CCNY: variants seen among roughly 807,000 people sequenced by gnomAD.
CCNY encodes cyclin Y, also known as cyclin-Y.
CCNY carries 19 observed loss-of-function variants against 42.8 expected under a neutral mutation model. The ratio of observed to expected loss-of-function variants is 0.44; its 90% CI spans 0.31 to 0.65. The LOEUF is 0.65. Ranked by LOEUF, CCNY falls within the 30% of genes least tolerant of loss-of-function variation. The pLI is 0.07. For missense variants in CCNY, 370 were observed against 437.3 expected, an observed-to-expected ratio of 0.85 and a Z score of 1.37; for synonymous variants, 165 against 162.7, an observed-to-expected ratio of 1.01 and a Z score of -0.11.
intron 3 of CCNY, among the ~76,000 whole-genome samples, chr10:35,325,716 G>T (rs1471057369): frequency 2.0e-5 from 3 of 150,966 alleles, no homozygotes; most frequent in African/African-American, 7.3e-5. Flanking sequence ...TGATCCACCC[G>T]CCTCGGCCTC....
chr10:35,442,741 T>G (rs550364262), intron 1 of CCNY, among the ~76,000 whole-genome samples: 36 of 152,306 alleles, frequency 2.4e-4, no homozygotes, highest in Admixed American at 1.4e-3. Context: ...GCTATTGATG[T>G]GGTTTGTGTT....
Position 35,483,383 on chromosome 10 carries a change from T to C in CCNY, c.155-21T>C, listed in dbSNP as rs761395253. On this transcript the variant is annotated intron_variant, in intron 1 of 9. Transcript: ENST00000374704. Reference sequence around the variant, plus strand: ...GTTATCAGATGGTTTATTCATATAATTTATTTTCCTTTCTTTAAAGATTTG... The same window carrying C: ...GTTATCAGATGGTTTATTCATATAACTTATTTTCCTTTCTTTAAAGATTTG... 5.2e-6 allele frequency: 8 copies of C among 1,526,682 alleles called. No homozygotes were observed. The South Asian group carries it at 6.9e-5, about 13-fold the overall frequency. 94.6% of individuals were successfully genotyped at this position (1,526,682 alleles called of 1,614,324 possible).
At chr10:35,372,457 G>T (rs1269416585) in intron 1 of CCNY, among the ~76,000 whole-genome samples, 2 of 152,196 alleles carry the variant, frequency 1.3e-5, no homozygotes, top group African/African-American at 4.8e-5. Context: ...AGGGTGTGCG[G>T]AGGTCATGCA....
Position 35,553,149 on chromosome 10 carries a change from A to G in CCNY, c.710A>G (p.Tyr237Cys). The change falls in exon 8 of 10, where the codon TAC (tyrosine) becomes TGC (cysteine). Residue 237 changes from tyrosine (Y) to cysteine (C), a missense_variant. This residue lies in a region of CCNY where 234 missense variants were observed against 313.1 expected (regional missense o/e 0.75). Coordinates refer to ENST00000374704, the MANE Select transcript of CCNY (RefSeq NM_145012.6). Reference sequence around the variant, plus strand: ...GACCAGGCTGTATGGAATGTGGATTACTGCCAGATCCTGAAAGACATCACG... The same window carrying G: ...GACCAGGCTGTATGGAATGTGGATTGCTGCCAGATCCTGAAAGACATCACG... ...WDDQAVWNVD[Y>C]CQILKDITVE... 6.2e-7 allele frequency: 1 copy of G among 1,614,200 alleles called. No homozygotes were observed. The highest frequency in any genetic ancestry group is 1.3e-5 in the African/African-American group (1 of 75,058).
intron 1 of CCNY, among the ~76,000 whole-genome samples, chr10:35,344,736 C>T (rs1176571242): frequency 1.3e-5 from 2 of 152,088 alleles, no homozygotes; most frequent in Non-Finnish European, 1.5e-5. Flanking sequence ...TCCCCCCACC[C>T]GACAACAGGC....
At chr10:35,253,874 GTTTTT>G (rs34396120) in intron 3 of CCNY, among the ~76,000 whole-genome samples, 74 of 129,286 alleles carry the variant, frequency 5.7e-4, no homozygotes, top group Non-Finnish European at 8.3e-4. Flanking sequence ...TTGAGCAACT[GTTTTT>G]TTTTTTTTTT....
chr10:35,427,240 G>A (rs1838291474), intron 1 of CCNY, among the ~76,000 whole-genome samples: 2 of 152,208 alleles, frequency 1.3e-5, no homozygotes, highest in Admixed American at 1.3e-4. Flanking sequence ...GATGGATTGA[G>A]GCAGGAGAAT....
At chr10:35,307,772 G>A (rs967797885) in intron 3 of CCNY, among the ~76,000 whole-genome samples, 19 of 73,092 alleles carry the variant, frequency 2.6e-4, no homozygotes, top group African/African-American at 1.4e-3. Context: ...GTGTGTGTGT[G>A]TGTGTGTGTG....
intron 1 of CCNY, among the ~76,000 whole-genome samples, chr10:35,439,351 T>C (rs149264936): frequency 2.3e-3 from 356 of 152,328 alleles, no homozygotes; most frequent in Non-Finnish European, 4.3e-3. Context: ...GTAATTTCTT[T>C]TGTTCCATCT....
At position 35,316,970 on chromosome 10, in the gene CCNY, C is replaced by G. The variant is rs374459983; in HGVS notation, c.-9+66344C>G. ...AAGTGATTCTCCTGCCTCAGCCTCC[C>G]GAGTAGCTGGGATTACAGGTGCCCG... On this transcript the variant is annotated intron_variant, in intron 3 of 11. Transcript: ENST00000374706. Among the ~76,000 whole-genome samples the G allele has an allele frequency of 3.3e-5, 5 of 152,230 alleles. No homozygotes were observed. The East Asian group carries it at 7.7e-4, about 23-fold the overall frequency.
intron 1 of CCNY, among the ~76,000 whole-genome samples, chr10:35,475,909 A>G (rs1441318090): frequency 6.6e-6 from 1 of 151,860 alleles, no homozygotes; most frequent in Non-Finnish European, 1.5e-5. Flanking sequence ...ACGTGCAGAG[A>G]CACACATAGG....
intron 1 of CCNY, among the ~76,000 whole-genome samples, chr10:35,424,530 T>C (rs753862187): frequency 1.1e-4 from 16 of 152,254 alleles, no homozygotes; most frequent in Admixed American, 3.3e-4. Context: ...CCAGCCGTTA[T>C]TTTCTAATAA....
At chr10:35,375,702 C>T (rs753803546) in intron 1 of CCNY, among the ~76,000 whole-genome samples, 6 of 152,170 alleles carry the variant, frequency 3.9e-5, no homozygotes, top group Non-Finnish European at 5.9e-5. Context: ...GCAAACCTCA[C>T]TCACAGAGGG....
chr10:35,538,144 G>C (rs1033850519), intron 7 of CCNY, among the ~76,000 whole-genome samples: 2 of 152,096 alleles, frequency 1.3e-5, no homozygotes, highest in Admixed American at 6.6e-5. Context: ...CATGTAAGAC[G>C]TGACCTGCTC....
At chr10:35,273,305 G>A (rs540012544) in intron 3 of CCNY, among the ~76,000 whole-genome samples, 2 of 152,008 alleles carry the variant, frequency 1.3e-5, no homozygotes, top group South Asian at 2.1e-4. Context: ...GGGTCCAAGC[G>A]ATTCTCCAGC....
chr10:35,350,978 G>A (rs529455825), intron 1 of CCNY, among the ~76,000 whole-genome samples: 1 of 152,322 alleles, frequency 6.6e-6, no homozygotes, highest in African/African-American at 2.4e-5. Context: ...ACAAATGGAA[G>A]TGATTCTTGA....
intron 3 of CCNY, among the ~76,000 whole-genome samples, chr10:35,509,008 G>T (rs966830376): frequency 5.9e-5 from 9 of 152,054 alleles, no homozygotes; most frequent in Admixed American, 2.6e-4. Context: ...TTTGTGAGTG[G>T]CTTCTTTCAC....
chr10:35,378,216 A>C (rs1837097637), intron 1 of CCNY, among the ~76,000 whole-genome samples: 1 of 152,170 alleles, frequency 6.6e-6, no homozygotes, highest in South Asian at 2.1e-4. Context: ...AGATCTTCCA[A>C]ATATTGACTC....
At chr10:35,383,951 A>AG (rs1837247796) in intron 1 of CCNY, among the ~76,000 whole-genome samples, 5 of 150,754 alleles carry the variant, frequency 3.3e-5, no homozygotes, top group African/African-American at 1.2e-4. Context: ...AATGAGAGTA[A>AG]GAATATATAT....
Sources: allele counts gnomAD v4.1 joint callset (sites outside exome capture counted in the v4.1 genomes callset), GRCh38; gene constraint gnomAD v4.1.1; regional missense constraint gnomAD v4.1.1; transcripts MANE v1.5; gene names NCBI Gene and HGNC (gene_info 2026-07-23, HGNC 2026-07-21).